The following RGS7 variants were observed in gnomAD, a reference collection of about 807,000 sequenced individuals.
RGS7 encodes the protein regulator of G-protein signaling 7.
RGS7 carries 27 observed loss-of-function variants against 81.1 expected under a neutral mutation model. The observed-to-expected ratio is 0.33, with a 90% CI of 0.25 to 0.46. The LOEUF (loss-of-function observed/expected upper bound fraction) is 0.46, where lower values mean the gene tolerates loss of function less well. RGS7 is among the 20% of genes least tolerant of loss of function. RGS7 has a pLI of 1.00. For missense variants in RGS7, 396 were observed against 607.4 expected, an observed-to-expected ratio of 0.65 and a Z score of 3.66; for synonymous variants, 208 against 207.7, an observed-to-expected ratio of 1.00 and a Z score of -0.01.
In RGS7 at chr1:241,163,489, C is replaced by T. The variant is rs1294001445; in HGVS notation, c.79-64727G>A. ...AGCCAGGCTTTCTCCAAGGGCCTCCCCTGTCCTCTTCCAGATCTAGGAAAG... is the reference window on the plus strand; with the variant it reads ...AGCCAGGCTTTCTCCAAGGGCCTCCTCTGTCCTCTTCCAGATCTAGGAAAG... On this transcript the variant is annotated intron_variant, in intron 2 of 18. Coordinates refer to ENST00000440928, the MANE Select transcript of RGS7 (RefSeq NM_001364886.1). This position sits in a 1 kb window ranked among gnomAD's most constrained non-coding sequence, Gnocchi z 4.6. 6.6e-6 allele frequency among the ~76,000 whole-genome samples: 1 copy of T among 152,120 alleles called. No individual in the cohort carries two copies. Among genetic ancestry groups the T allele is most frequent in the Admixed American group, 6.5e-5 (1 of 15,276 alleles).
At chr1:241,241,926 C>T (rs1307272907) in intron 2 of RGS7, among the ~76,000 whole-genome samples, 1 of 139,624 alleles carries the variant, frequency 7.2e-6, no homozygotes. Flanking sequence ...TACTCTTTCA[C>T]TCTCTTTTTG....
At chr1:241,036,441 G>T (rs2060330482) in intron 3 of RGS7, among the ~76,000 whole-genome samples, 1 of 152,130 alleles carries the variant, frequency 6.6e-6, no homozygotes, top group African/African-American at 2.4e-5. Context: ...AAATATTTCG[G>T]CTGCAGTTGT....
chr1:240,816,832 T>C (rs553819420), intron 10 of RGS7, among the ~76,000 whole-genome samples: 15 of 152,326 alleles, frequency 9.8e-5, no homozygotes, highest in Admixed American at 9.2e-4. Context: ...ATATTTTACA[T>C]AGGAATTAAA....
At chr1:241,251,113 A>G (rs538829224) in intron 2 of RGS7, among the ~76,000 whole-genome samples, 6 of 152,234 alleles carry the variant, frequency 3.9e-5, no homozygotes, top group African/African-American at 1.2e-4. Flanking sequence ...GAAAGTATCT[A>G]CACACTTTTA....
chr1:241,267,537 T>C (rs957478152), intron 2 of RGS7, among the ~76,000 whole-genome samples: 2 of 152,206 alleles, frequency 1.3e-5, no homozygotes, highest in Non-Finnish European at 2.9e-5. Context: ...TGCATATTCT[T>C]TGGTTTGAGG....
At chr1:241,166,833 A>T (rs143690319) in intron 2 of RGS7, among the ~76,000 whole-genome samples, 1 of 152,322 alleles carries the variant, frequency 6.6e-6, no homozygotes, top group African/African-American at 2.4e-5. Flanking sequence ...GATGAGACAG[A>T]GGGCACAAAG....
At chr1:241,122,751 T>C (rs1205395979) in intron 2 of RGS7, among the ~76,000 whole-genome samples, 7 of 151,880 alleles carry the variant, frequency 4.6e-5, no homozygotes, top group East Asian at 1.9e-4. Flanking sequence ...AGCACTTACA[T>C]TGGCCTACAG....
chr1:240,851,833 C>A (rs918149451), intron 9 of RGS7, among the ~76,000 whole-genome samples: 47 of 152,070 alleles, frequency 3.1e-4, no homozygotes, highest in African/African-American at 1.1e-3. Context: ...AGAAGTGGAG[C>A]CTACAGATTT....
intron 6 of RGS7, among the ~76,000 whole-genome samples, chr1:240,910,450 G>T (rs1178103614): frequency 6.6e-6 from 1 of 152,206 alleles, no homozygotes. Context: ...GCAGGAGGAA[G>T]AGGGGTTAGG....
chr1:240,824,873 T>G (rs1692518061), intron 10 of RGS7, among the ~76,000 whole-genome samples: 1 of 152,096 alleles, frequency 6.6e-6, no homozygotes, highest in Non-Finnish European at 1.5e-5. Context: ...TTTTGTTTTG[T>G]TTTTCTCTCT....
At chr1:241,221,035 AAGGAAAAGAAAG>A (rs1573201169) in intron 2 of RGS7, among the ~76,000 whole-genome samples, 2 of 106,560 alleles carry the variant, frequency 1.9e-5, no homozygotes, top group Middle Eastern at 9.0e-3. Context: ...GGAAGGAAGG[AAGGAAAAGAAAG>A]AAAGAAAGAA....
At chr1:240,886,331 G>A (rs760339304) in intron 6 of RGS7, among the ~76,000 whole-genome samples, 6 of 152,180 alleles carry the variant, frequency 3.9e-5, no homozygotes, top group East Asian at 1.9e-4. Context: ...CAGAGGAGCC[G>A]TGTGACTTTC....
At chr1:240,819,655 G>A (rs963850534) in intron 10 of RGS7, among the ~76,000 whole-genome samples, 2 of 152,126 alleles carry the variant, frequency 1.3e-5, no homozygotes, top group African/African-American at 4.8e-5. Flanking sequence ...GGAGAATCAC[G>A]TGGACCCAGG....
intron 4 of RGS7, among the ~76,000 whole-genome samples, chr1:240,975,172 G>A (rs774849662): frequency 2.4e-4 from 37 of 152,290 alleles, no homozygotes; most frequent in Non-Finnish European, 4.6e-4. Context: ...GGGAGGCCGA[G>A]GCAGGCGGAT....
At chr1:241,350,833 A>G (rs186089906) in intron 2 of RGS7, among the ~76,000 whole-genome samples, 198 of 151,968 alleles carry the variant, frequency 1.3e-3, no homozygotes, top group Non-Finnish European at 2.0e-3. Flanking sequence ...CGTTGACCAG[A>G]TGGGCAGTCC....
At chr1:241,018,339 T>G (rs1463638874) in intron 3 of RGS7, among the ~76,000 whole-genome samples, 1 of 151,924 alleles carries the variant, frequency 6.6e-6, no homozygotes, top group Admixed American at 6.6e-5. Flanking sequence ...CCTTGTAATT[T>G]TTTGTTGAAA....
chr1:240,992,519 AC>A (rs766589721), intron 3 of RGS7, among the ~76,000 whole-genome samples: 1 of 152,080 alleles, frequency 6.6e-6, no homozygotes, highest in East Asian at 1.9e-4. Context: ...ATAAACAAAA[AC>A]AAAAACAAAA....
intron 18 of RGS7, among the ~76,000 whole-genome samples, chr1:240,797,524 G>A (rs1206564023): frequency 6.6e-6 from 1 of 152,044 alleles, no homozygotes; most frequent in African/African-American, 2.4e-5. Context: ...GCTAATTTTT[G>A]TATTTTTAGT....
intron 2 of RGS7, among the ~76,000 whole-genome samples, chr1:241,348,354 C>A (rs1422829822): frequency 6.6e-6 from 1 of 152,068 alleles, no homozygotes; most frequent in Non-Finnish European, 1.5e-5. Flanking sequence ...GTTCCAAGAG[C>A]TAAACTACAG....
Sources: allele counts gnomAD v4.1 joint callset (sites outside exome capture counted in the v4.1 genomes callset), GRCh38; gene constraint gnomAD v4.1.1; non-coding constraint Gnocchi (gnomAD v3.1); transcripts MANE v1.5; gene names NCBI Gene and HGNC (gene_info 2026-07-23, HGNC 2026-07-21).